ANKRD18B: variants seen among roughly 807,000 people sequenced by gnomAD.
ANKRD18B encodes ankyrin repeat domain 18B, also known as ankyrin repeat domain-containing protein 18B.
Under a neutral mutation model 111.8 loss-of-function variants are expected in ANKRD18B, and 75 were observed. The observed-to-expected ratio is 0.67, with a 90% CI of 0.56 to 0.81. The LOEUF is 0.81. ANKRD18B is among the 40% of genes least tolerant of loss of function. The pLI, the probability that ANKRD18B is intolerant of heterozygous loss-of-function variation, is 0.00. For synonymous variants in ANKRD18B, 356 were observed against 417.3 expected (o/e 0.85, Z 1.79); for missense variants, 1,038 against 1,225.5 (o/e 0.85, Z 2.28).
At chr9:33,559,755 C>T (rs1360235963) in intron 14 of ANKRD18B, among the ~76,000 whole-genome samples, 2 of 152,130 alleles carry the variant, frequency 1.3e-5, no homozygotes, top group Non-Finnish European at 2.9e-5. Context: ...CAGCCCATGT[C>T]TCCAGATCAC....
intron 3 of ANKRD18B, among the ~76,000 whole-genome samples, chr9:33,532,563 A>T (rs1051783806): frequency 2.6e-5 from 4 of 152,214 alleles, no homozygotes; most frequent in Non-Finnish European, 5.9e-5. Flanking sequence ...TCTAATAGTT[A>T]AGATAAAAAT....
In ANKRD18B at chr9:33,528,621, T is replaced by A. The variant is rs1297302086; in HGVS notation, c.207-106T>A. ...CTTTCTTCAAAAGAAAATTATTTGTTTTGAAGGCAGAGGAATAATGCCATT... is the reference window on the plus strand; with the variant it reads ...CTTTCTTCAAAAGAAAATTATTTGTATTGAAGGCAGAGGAATAATGCCATT... On this transcript the variant is annotated intron_variant, in intron 1 of 18. Transcript: ENST00000684830. 3.4e-6 allele frequency: 3 copies of A among 886,082 alleles called. No homozygotes were observed. In the East Asian group the frequency reaches 8.2e-5, roughly 24 times the overall value. 54.9% of individuals were successfully genotyped at this position (886,082 alleles called of 1,614,324 possible).
At position 33,527,309 on chromosome 9, in the gene ANKRD18B, T is replaced by G. The variant is rs115222164; in HGVS notation, c.207-1418T>G. ...GTTTCCTTTAGCTTCATGTTTCTTT[T>G]TTTGTTTGTTTGTTTGTTTGTTTTC... On this transcript the variant is annotated intron_variant, in intron 1 of 18. Transcript: ENST00000684830. Among the ~76,000 whole-genome samples, 737 of 144,572 alleles carry G rather than the reference T, an allele frequency of 5.1e-3. 5 individuals are homozygous for G. Among genetic ancestry groups the G allele is most frequent in the African/African-American group, 0.017 (695 of 40,082 alleles). The allele number at this position is 144,572 out of a possible 152,430, so 94.8% of individuals were successfully genotyped here.
At chr9:33,537,165 T>A (rs923693153) in intron 6 of ANKRD18B, among the ~76,000 whole-genome samples, 4 of 151,862 alleles carry the variant, frequency 2.6e-5, no homozygotes, top group African/African-American at 9.7e-5. Flanking sequence ...GGCATCATGG[T>A]GGGCGCCTGT....
chr9:33,574,484 G>C (rs1228486465), downstream of ANKRD18B: 1 of 152,694 alleles, frequency 6.5e-6, no homozygotes, highest in Non-Finnish European at 1.5e-5. Flanking sequence ...CACTGCTTGG[G>C]AGACCTCCAA....
chr9:33,564,980 A>C (rs983112507), intron 14 of ANKRD18B, among the ~76,000 whole-genome samples: 6 of 152,184 alleles, frequency 3.9e-5, no homozygotes, highest in African/African-American at 1.4e-4. Flanking sequence ...GAATAGCTTG[A>C]AAATGTTTTC....
intron 16 of ANKRD18B, among the ~76,000 whole-genome samples, chr9:33,567,547 C>T (rs1794696456): frequency 6.6e-6 from 1 of 152,080 alleles, no homozygotes; most frequent in African/African-American, 2.4e-5. Flanking sequence ...CCTGAAAAGT[C>T]TCATGTAGTT....
chr9:33,543,302 T>G, intron 10 of ANKRD18B, 47 bp downstream of exon 10: 1 of 1,475,760 alleles, frequency 6.8e-7, no homozygotes, highest in South Asian at 1.2e-5. Context: ...TTGTTTGTTT[T>G]TCTTTAATAA....
intron 14 of ANKRD18B, among the ~76,000 whole-genome samples, chr9:33,559,823 T>C (rs1421632670): frequency 6.6e-6 from 1 of 152,172 alleles, no homozygotes; most frequent in Non-Finnish European, 1.5e-5. Flanking sequence ...TAACATACCA[T>C]GCAATTCACT....
chr9:33,548,180 T>A lies in ANKRD18B; in HGVS notation c.1392T>A (p.Asp464Glu), dbSNP rs534280068. Residue 464 changes from aspartate (D) to glutamate (E), a missense_variant, in exon 11 of 19, where the codon GAT (aspartate) becomes GAA (glutamate). Physicochemically the swap from Asp to Glu is conservative, Grantham distance 45. Coordinates refer to ENST00000684830, the MANE Select transcript of ANKRD18B (RefSeq NM_001393611.1). ...CCCAGTATTCGCAACAGCTTAATGA[T>A]CTGAAAGCTGAGAATGCAAGGCTGA... ...KVAQYSQQLN[D>E]LKAENARLNS... 34 of 1,548,584 alleles carry A rather than the reference T, an allele frequency of 2.2e-5. No individual in the cohort carries two copies. In the African/African-American group the frequency reaches 4.3e-4, roughly 19 times the overall value.
intron 9 of ANKRD18B, among the ~76,000 whole-genome samples, chr9:33,541,827 T>C (rs1345976475): frequency 6.6e-6 from 1 of 152,248 alleles, no homozygotes; most frequent in Non-Finnish European, 1.5e-5. Flanking sequence ...AGTTGGTTTA[T>C]ATAAGGCTTT....
intron 3 of ANKRD18B, among the ~76,000 whole-genome samples, chr9:33,529,630 C>A (rs1396710187): frequency 6.6e-5 from 10 of 152,124 alleles, no homozygotes; most frequent in Admixed American, 3.3e-4. Context: ...GGAGAGCAAT[C>A]AAAAACATGC....
chr9:33,555,195 AAT>A (rs1828504472), intron 12 of ANKRD18B, among the ~76,000 whole-genome samples: 1 of 152,176 alleles, frequency 6.6e-6, no homozygotes, highest in South Asian at 2.1e-4. Context: ...AGAAATGGTT[AAT>A]AGACAGGGAA....
At chr9:33,538,052 C>A (rs1292905676) in intron 6 of ANKRD18B, among the ~76,000 whole-genome samples, 2 of 152,022 alleles carry the variant, frequency 1.3e-5, no homozygotes, top group Admixed American at 6.6e-5. Flanking sequence ...ATAAGTGGAC[C>A]CCTGCAGTTC....
intron 3 of ANKRD18B, among the ~76,000 whole-genome samples, chr9:33,533,225 T>A (rs182917578): frequency 6.6e-6 from 1 of 152,156 alleles, no homozygotes; most frequent in Admixed American, 6.6e-5. Context: ...AAAGTGAGTT[T>A]TGGAGATGAC....
chr9:33,546,122 A>T (rs533709324), intron 10 of ANKRD18B, among the ~76,000 whole-genome samples: 1 of 152,336 alleles, frequency 6.6e-6, no homozygotes, highest in African/African-American at 2.4e-5. Context: ...ATATTCATTT[A>T]AAGATGAATT....
In ANKRD18B at chr9:33,567,246, A is replaced by T; in HGVS notation, c.2886A>T (p.Leu962Phe). The T allele has an allele frequency of 1.3e-6, 2 of 1,549,966 alleles. No individual in the cohort carries two copies. Among genetic ancestry groups the T allele is most frequent in the Non-Finnish European group, 1.7e-6 (2 of 1,146,280 alleles). ...CTTATGAAGATGTTACAACTGAATT[A>T]GAAGAGTATAAGGAAGCCTTTGCAG... ...KTAYEDVTTE[L>F]EEYKEAFAVA... The change falls in exon 16 of 19, where the codon TTA becomes TTT. Residue 962 changes from leucine (L) to phenylalanine (F), a missense_variant. Physicochemically the swap from Leu to Phe is conservative, Grantham distance 22. This residue lies in a region of ANKRD18B where 524 missense variants were observed against 677.9 expected (regional missense o/e 0.77). Coordinates refer to ENST00000684830, the MANE Select transcript of ANKRD18B (RefSeq NM_001393611.1).
intron 10 of ANKRD18B, among the ~76,000 whole-genome samples, chr9:33,546,499 AT>A (rs1186834186): frequency 6.6e-6 from 1 of 152,158 alleles, no homozygotes; most frequent in Non-Finnish European, 1.5e-5. Flanking sequence ...AAAATTTAGC[AT>A]TTGACTCTAT....
chr9:33,530,213 T>C (rs906455390), intron 3 of ANKRD18B, among the ~76,000 whole-genome samples: 1 of 152,218 alleles, frequency 6.6e-6, no homozygotes, highest in African/African-American at 2.4e-5. Flanking sequence ...TGCATTACAA[T>C]GACCTGGGGA....
Sources: allele counts gnomAD v4.1 joint callset (sites outside exome capture counted in the v4.1 genomes callset), GRCh38; gene constraint gnomAD v4.1.1; regional missense constraint gnomAD v4.1.1; transcripts MANE v1.5; gene names NCBI Gene and HGNC (gene_info 2026-07-23, HGNC 2026-07-21).